COL11A1: variants seen among roughly 807,000 people sequenced by gnomAD.
COL11A1 encodes collagen type XI alpha 1 chain.
A neutral mutation model predicts 265.2 loss-of-function variants in COL11A1; 74 were observed. The observed-to-expected ratio is 0.28, with a 90% CI of 0.23 to 0.34. The LOEUF is 0.34. Ranked by LOEUF, COL11A1 falls within the 10% of genes least tolerant of loss-of-function variation. COL11A1 has a pLI of 1.00. For missense variants in COL11A1, 2,165 were observed against 2,263.6 expected, an observed-to-expected ratio of 0.96 and a Z score of 0.88; for synonymous variants, 816 against 727.6, an observed-to-expected ratio of 1.12 and a Z score of -1.96.
intron 4 of COL11A1, among the ~76,000 whole-genome samples, chr1:103,065,337 G>A (rs1460967041): frequency 1.3e-5 from 2 of 151,826 alleles, no homozygotes; most frequent in Admixed American, 6.6e-5. Context: ...CGGCTAACAC[G>A]GTGAAACCCC....
Position 102,975,330 on chromosome 1 carries a change from G to A in COL11A1, c.2755-447C>T, listed in dbSNP as rs1418855800. On this transcript the variant is annotated intron_variant, in intron 35 of 66. Coordinates refer to ENST00000370096, the MANE Select transcript of COL11A1 (RefSeq NM_001854.4). The stretch of plus-strand genomic sequence containing the variant: ...TTCTATCCCTGTTCTGTATCTAGCC[G>A]TATATTCCAAAACTAAAAGAGAAAG... Among the ~76,000 whole-genome samples the A allele has an allele frequency of 4.7e-5, 7 of 150,306 alleles. No individual in the cohort carries two copies. The East Asian group carries it at 5.8e-4, about 13-fold the overall frequency.
Position 103,008,481 on chromosome 1 carries a change from AC to A in COL11A1, c.1664del (p.Ser555MetfsTer78). 1 of 1,613,852 alleles carries A rather than the reference AC, an allele frequency of 6.2e-7. No homozygotes were observed. The highest frequency in any genetic ancestry group is 8.5e-7 in the Non-Finnish European group (1 of 1,179,876). ...GPGSSGAKGESGDPGPQGPRG... is the reference protein window; with the variant it reads ...GPGSSGAKGEXGDPGPQGPRG... Reference sequence around the variant, plus strand: ...TTTTTACCTGAGGACCTGGATCACCACTCTCACCTTTGGCCCCAGATGAACC... The same window carrying A: ...TTTTTACCTGAGGACCTGGATCACCATCTCACCTTTGGCCCCAGATGAACC... On this transcript the variant is annotated frameshift_variant, in exon 15 of 67. Transcript: ENST00000370096. LOFTEE classifies it high-confidence loss of function.
chr1:102,959,821 C>T (rs948590821), intron 41 of COL11A1, among the ~76,000 whole-genome samples: 2 of 152,140 alleles, frequency 1.3e-5, no homozygotes, highest in African/African-American at 4.8e-5. Flanking sequence ...CAACTGTTCC[C>T]AACCCTTGAG....
intron 24 of COL11A1, chr1:103,001,138 A>C (rs1282996281): frequency 1.3e-5 from 5 of 397,540 alleles, no homozygotes; most frequent in African/African-American, 2.1e-5. Context: ...ACATGGACTG[A>C]ATATTAACAC....
chr1:103,006,823 C>T (rs780954410), intron 15 of COL11A1, among the ~76,000 whole-genome samples: 6 of 151,674 alleles, frequency 4.0e-5, no homozygotes, highest in African/African-American at 1.5e-4. Context: ...CCACCGCGCC[C>T]GGCCCTTATC....
chr1:103,052,366 T>A (rs2102143158), intron 4 of COL11A1, among the ~76,000 whole-genome samples: 1 of 152,332 alleles, frequency 6.6e-6, no homozygotes. Context: ...AATGGGCTTT[T>A]ACACACTAAC....
intron 7 of COL11A1, among the ~76,000 whole-genome samples, chr1:103,024,395 C>T (rs1667357593): frequency 6.6e-6 from 1 of 152,084 alleles, no homozygotes; most frequent in Non-Finnish European, 1.5e-5. Flanking sequence ...TTTTCTATTC[C>T]ATAGTAAATC....
At chr1:102,967,497 C>T (rs1661561023) in intron 37 of COL11A1, among the ~76,000 whole-genome samples, 1 of 152,014 alleles carries the variant, frequency 6.6e-6, no homozygotes, top group Non-Finnish European at 1.5e-5. Flanking sequence ...GCCTCGGCCT[C>T]CCAAAGTGCT....
intron 24 of COL11A1, among the ~76,000 whole-genome samples, chr1:102,998,568 G>C (rs1343394522): frequency 2.6e-5 from 4 of 151,800 alleles, no homozygotes; most frequent in Non-Finnish European, 5.9e-5. Flanking sequence ...TCAAAGGTAT[G>C]CTAGGTTTTA....
intron 54 of COL11A1, among the ~76,000 whole-genome samples, chr1:102,907,150 C>T (rs1654078076): frequency 1.3e-5 from 2 of 151,974 alleles, no homozygotes; most frequent in South Asian, 4.2e-4. Context: ...GCTTTGTAAG[C>T]AATGCATAGT....
intron 4 of COL11A1, among the ~76,000 whole-genome samples, chr1:103,045,856 A>G (rs1478041397): frequency 3.3e-5 from 5 of 150,846 alleles, no homozygotes; most frequent in African/African-American, 1.2e-4. Context: ...CCTGAGTGAG[A>G]AAATGCAGTG....
intron 12 of COL11A1, 127 bp from the exon 13 acceptor site, chr1:103,014,721 C>A: frequency 1.3e-6 from 1 of 755,916 alleles, no homozygotes; most frequent in Admixed American, 2.0e-5. Flanking sequence ...AAAGTAACTC[C>A]GTAATGAATC....
intron 4 of COL11A1, among the ~76,000 whole-genome samples, chr1:103,061,419 C>A (rs983596822): frequency 1.3e-5 from 2 of 151,972 alleles, no homozygotes; most frequent in Non-Finnish European, 2.9e-5. Flanking sequence ...TATATATACT[C>A]CTATAACCAA....
chr1:103,011,250 C>A (rs1197798475), intron 14 of COL11A1, among the ~76,000 whole-genome samples: 9 of 151,872 alleles, frequency 5.9e-5, no homozygotes, highest in African/African-American at 1.9e-4. Flanking sequence ...GAGTCATTAA[C>A]AAATAATTAA....
chr1:103,049,253 T>C (rs535599198), intron 4 of COL11A1, among the ~76,000 whole-genome samples: 1 of 152,332 alleles, frequency 6.6e-6, no homozygotes, highest in Non-Finnish European at 1.5e-5. Flanking sequence ...TGTAGGTCAC[T>C]AAGGACTTCC....
At chr1:102,928,983 G>A (rs1657013214) in intron 46 of COL11A1, among the ~76,000 whole-genome samples, 1 of 110,922 alleles carries the variant, frequency 9.0e-6, no homozygotes, top group African/African-American at 2.9e-5. Context: ...TGTAGATTCT[G>A]GATATTAGCC....
chr1:103,012,426 C>A lies in COL11A1; in HGVS notation c.1616G>T (p.Arg539Ile). Residue 539 changes from arginine to isoleucine, a missense_variant, in exon 14 of 67, where the codon AGA becomes ATA. By Grantham distance (97) the Arg-to-Ile change is moderately conservative. Transcript: ENST00000370096. ...GGGGTAACCTACCACAGGACCTGGT[C>A]TTCCAGTTAGACCCATTGGGCCAGG... is the stretch of plus-strand genomic sequence containing the variant. ...GPPGPMGLTG[R>I]PGPVGGPGSS... 1 of 1,613,450 alleles carries A rather than the reference C, an allele frequency of 6.2e-7. No homozygotes were observed.
At chr1:103,042,946 CATCATATATATGAAATAG>C (rs1227645483) in intron 4 of COL11A1, among the ~76,000 whole-genome samples, 3 of 139,810 alleles carry the variant, frequency 2.1e-5, no homozygotes, top group African/African-American at 5.2e-5. Flanking sequence ...ATATGAAATA[CATCATATATATGAAATAG>C]ATCATATATG....
chr1:102,990,380 A>G (rs1175381877), intron 28 of COL11A1, among the ~76,000 whole-genome samples: 2 of 151,842 alleles, frequency 1.3e-5, no homozygotes, highest in Non-Finnish European at 2.9e-5. Context: ...TTCTAGCTCA[A>G]TGGGTTCTGT....
Sources: allele counts gnomAD v4.1 joint callset (sites outside exome capture counted in the v4.1 genomes callset), GRCh38; gene constraint gnomAD v4.1.1; transcripts MANE v1.5; gene names NCBI Gene and HGNC (gene_info 2026-07-23, HGNC 2026-07-21).